CLEC16A: variants seen among roughly 807,000 people sequenced by gnomAD.
CLEC16A encodes the protein protein CLEC16A.
Under a neutral mutation model 109.5 loss-of-function variants are expected in CLEC16A, and 51 were observed. The ratio of observed to expected loss-of-function variants is 0.47; its 90% CI spans 0.37 to 0.59. The LOEUF is 0.59. CLEC16A is among the 20% of genes least tolerant of loss of function. The pLI, the probability that CLEC16A is intolerant of heterozygous loss-of-function variation, is 0.00. For missense variants in CLEC16A, 1,339 were observed against 1,394.0 expected, an observed-to-expected ratio of 0.96 and a Z score of 0.63; for synonymous variants, 673 against 564.2, an observed-to-expected ratio of 1.19 and a Z score of -2.73.
At chr16:11,145,852 A>T (rs1174256181) in intron 22 of CLEC16A, among the ~76,000 whole-genome samples, 1 of 152,098 alleles carries the variant, frequency 6.6e-6, no homozygotes, top group Admixed American at 6.5e-5. Context: ...CTCTACTTAG[A>T]TTCTTCGCTG....
intron 23 of CLEC16A, among the ~76,000 whole-genome samples, chr16:11,172,309 CAT>C (rs1399094958): frequency 6.6e-6 from 1 of 152,192 alleles, no homozygotes; most frequent in Non-Finnish European, 1.5e-5. Context: ...CACACTCACA[CAT>C]AGATGCACAC....
At chr16:11,148,000 T>C (rs1417328571) in intron 22 of CLEC16A, among the ~76,000 whole-genome samples, 1 of 152,244 alleles carries the variant, frequency 6.6e-6, no homozygotes. Context: ...CTGTTCTTAC[T>C]GGTAAAATAG....
intron 19 of CLEC16A, among the ~76,000 whole-genome samples, chr16:11,095,862 G>C (rs868528406): frequency 6.7e-6 from 1 of 149,950 alleles, no homozygotes; most frequent in Admixed American, 6.6e-5. Flanking sequence ...TAGCTGTAGC[G>C]TAAGATTGGC....
At chr16:11,009,391 G>A (rs1049036290) in intron 11 of CLEC16A, among the ~76,000 whole-genome samples, 2 of 152,130 alleles carry the variant, frequency 1.3e-5, no homozygotes, top group African/African-American at 4.8e-5. Context: ...GAATAATGCC[G>A]CTATAAACAT....
chr16:11,121,433 C>A (rs955890479), intron 20 of CLEC16A, among the ~76,000 whole-genome samples: 2 of 152,174 alleles, frequency 1.3e-5, no homozygotes, highest in African/African-American at 4.8e-5. Flanking sequence ...GTAGACACTG[C>A]CAAATACCAC....
chr16:10,973,026 G>A lies in CLEC16A; in HGVS notation c.693G>A (p.Val231=), dbSNP rs1470975903. 1 of 1,609,318 alleles carries A rather than the reference G, an allele frequency of 6.2e-7. No individual in the cohort carries two copies. Among genetic ancestry groups the A allele is most frequent in the Non-Finnish European group, 8.5e-7 (1 of 1,177,718 alleles). The part of the protein sequence containing the change: ...SNLVWFIGSH[V]IELDDCVQTD... ...TGGTCTGGTTCATTGGGAGCCATGTGATCGAACTCGATGACTGCGTGCAGA... is the reference window on the plus strand; with the variant it reads ...TGGTCTGGTTCATTGGGAGCCATGTAATCGAACTCGATGACTGCGTGCAGA... The change falls in exon 7 of 24, where the codon GTG becomes GTA. Residue 231 remains valine, a synonymous_variant. Coordinates refer to ENST00000409790, the MANE Select transcript of CLEC16A (RefSeq NM_015226.3).
At chr16:10,947,818 G>C (rs574070483) in intron 1 of CLEC16A, among the ~76,000 whole-genome samples, 8 of 152,160 alleles carry the variant, frequency 5.3e-5, no homozygotes, top group Non-Finnish European at 1.2e-4. Flanking sequence ...TGGATGGAGA[G>C]GGAAAGTTTA....
Position 10,944,607 on chromosome 16 carries a change from T to A in CLEC16A, c.-111T>A. The stretch of plus-strand genomic sequence containing the variant: ...GGGGAGGAAGGCGGCTCGCGGTTCC[T>A]CCACCGCCTCCGCCGCCGCATCCTC... On this transcript the variant is annotated 5_prime_UTR_variant, in exon 1 of 24. Transcript: ENST00000409790. 9.3e-7 allele frequency: 1 copy of A among 1,079,666 alleles called. No homozygotes were observed. Among genetic ancestry groups the A allele is most frequent in the Non-Finnish European group, 1.3e-6 (1 of 747,322 alleles). The allele number at this position is 1,079,666 out of a possible 1,614,324, so 66.9% of individuals were successfully genotyped here.
chr16:11,092,529 C>G (rs755946758), intron 19 of CLEC16A, among the ~76,000 whole-genome samples: 6 of 152,122 alleles, frequency 3.9e-5, no homozygotes, highest in Non-Finnish European at 7.4e-5. Context: ...GGCTCTGTCT[C>G]AAAAACAAAA....
chr16:10,958,527 G>A (rs2042099239), intron 2 of CLEC16A, among the ~76,000 whole-genome samples: 1 of 152,182 alleles, frequency 6.6e-6, no homozygotes, highest in South Asian at 2.1e-4. Flanking sequence ...AAAAGAGAGA[G>A]AAAAAGTTCT....
chr16:11,161,127 A>G (rs2054707446), intron 22 of CLEC16A, among the ~76,000 whole-genome samples: 1 of 152,238 alleles, frequency 6.6e-6, no homozygotes, highest in African/African-American at 2.4e-5. Context: ...AATAAAGTGA[A>G]CAAAACCCTC....
At chr16:10,974,314 A>G (rs1325054230) in intron 7 of CLEC16A, among the ~76,000 whole-genome samples, 1 of 152,152 alleles carries the variant, frequency 6.6e-6, no homozygotes, top group African/African-American at 2.4e-5. Flanking sequence ...AAATAATTGA[A>G]TGTTATGGAA....
At chr16:11,091,399 G>A (rs1189032157) in intron 19 of CLEC16A, among the ~76,000 whole-genome samples, 4 of 152,220 alleles carry the variant, frequency 2.6e-5, no homozygotes, top group African/African-American at 9.6e-5. Flanking sequence ...AGAGGCAGCA[G>A]GTAGAGGCAA....
intron 19 of CLEC16A, among the ~76,000 whole-genome samples, chr16:11,077,275 A>T (rs1272809828): frequency 6.6e-6 from 1 of 151,978 alleles, no homozygotes; most frequent in East Asian, 1.9e-4. Flanking sequence ...TTGGAGACCA[A>T]TCTGATTGAC....
intron 3 of CLEC16A, among the ~76,000 whole-genome samples, 172 bp downstream of exon 3, chr16:10,962,760 C>T (rs1021949205): frequency 6.6e-6 from 1 of 152,092 alleles, no homozygotes; most frequent in Admixed American, 6.6e-5. Context: ...TGTTCTGGAG[C>T]ATTGAAGTCC....
At chr16:11,057,712 TA>T (rs2048280349) in intron 18 of CLEC16A, among the ~76,000 whole-genome samples, 1 of 152,250 alleles carries the variant, frequency 6.6e-6, no homozygotes, top group Non-Finnish European at 1.5e-5. Flanking sequence ...ATAATACTTT[TA>T]AATTTGCGTC....
intron 13 of CLEC16A, chr16:11,036,159 C>G (rs969252152): frequency 6.6e-6 from 1 of 152,442 alleles, no homozygotes; most frequent in East Asian, 1.9e-4. Flanking sequence ...TGGAACCACC[C>G]CAGTCAGCCA....
intron 10 of CLEC16A, 46 bp downstream of exon 10, chr16:10,983,037 C>A: frequency 1.9e-6 from 2 of 1,058,282 alleles, no homozygotes; most frequent in South Asian, 2.6e-5. Flanking sequence ...AACCATTGCT[C>A]ATTTTGCTAA....
intron 22 of CLEC16A, among the ~76,000 whole-genome samples, chr16:11,145,184 G>A (rs1211228565): frequency 1.3e-5 from 2 of 152,138 alleles, no homozygotes; most frequent in Non-Finnish European, 2.9e-5. Context: ...CCAGGGAATA[G>A]CTGATGGGCT....
Sources: allele counts gnomAD v4.1 joint callset (sites outside exome capture counted in the v4.1 genomes callset), GRCh38; gene constraint gnomAD v4.1.1; transcripts MANE v1.5; gene names NCBI Gene and HGNC (gene_info 2026-07-23, HGNC 2026-07-21).